Variants in TRIP4 observed in about 807,000 individuals in gnomAD.
TRIP4 encodes activating signal cointegrator 1.
TRIP4 carries 54 observed loss-of-function variants against 81.8 expected under a neutral mutation model. The observed-to-expected ratio is 0.66, with a 90% CI of 0.53 to 0.83. The LOEUF (loss-of-function observed/expected upper bound fraction) is 0.83, where lower values mean the gene tolerates loss of function less well. Ranked by LOEUF, TRIP4 falls within the 40% of genes least tolerant of loss-of-function variation. TRIP4 has a pLI of 0.00. For synonymous variants in TRIP4, 270 were observed against 242.8 expected (o/e 1.11, Z -1.04); for missense variants, 662 against 683.6 (o/e 0.97, Z 0.35).
intron 3 of TRIP4, 73 bp downstream of exon 3, chr15:64,395,604 A>C: frequency 6.6e-7 from 1 of 1,505,862 alleles, no homozygotes; most frequent in Middle Eastern, 1.8e-4. Flanking sequence ...TCAGAGAGCA[A>C]AGTGTACAAA....
intron 5 of TRIP4, among the ~76,000 whole-genome samples, chr15:64,402,585 G>A (rs539710172): frequency 6.0e-5 from 9 of 150,250 alleles, no homozygotes; most frequent in East Asian, 2.0e-4. Context: ...GTGCAATGGC[G>A]CGATCTCAGC....
chr15:64,416,461 G>A (rs532314171), intron 8 of TRIP4, among the ~76,000 whole-genome samples: 2 of 152,156 alleles, frequency 1.3e-5, no homozygotes, highest in Admixed American at 1.3e-4. Context: ...GGTGGCTCAC[G>A]TCTGTAATCC....
At chr15:64,449,900 C>T (rs982109739) in intron 12 of TRIP4, among the ~76,000 whole-genome samples, 2 of 152,132 alleles carry the variant, frequency 1.3e-5, no homozygotes, top group Non-Finnish European at 2.9e-5. Flanking sequence ...TATTTTTTCC[C>T]CTTTTAACTT....
chr15:64,402,026 T>A (rs114733817), intron 5 of TRIP4, among the ~76,000 whole-genome samples: 3,353 of 152,192 alleles, frequency 0.022, 108 homozygotes, highest in African/African-American at 0.078. Context: ...GGGAAAAAAA[T>A]GTTAAAATCC....
intron 12 of TRIP4, among the ~76,000 whole-genome samples, chr15:64,446,887 A>T (rs1199567260): frequency 6.6e-6 from 1 of 151,408 alleles, no homozygotes; most frequent in Non-Finnish European, 1.5e-5. Context: ...AGTGGATCAC[A>T]AGGTCAGGAG....
rs180795363 is a variant in TRIP4, at chr15:64,439,648, C to A, written c.1576-5358C>A. ...AGGTGATCCTCTTGCCTCAGCCTCC[C>A]GAGTGGCTGGGATTACAGGTGCCCG... On this transcript the variant is annotated intron_variant, in intron 11 of 12. Coordinates refer to ENST00000261884, the MANE Select transcript of TRIP4 (RefSeq NM_016213.5). Among the ~76,000 whole-genome samples, 933 of 150,054 alleles carry A rather than the reference C, an allele frequency of 6.2e-3. 1 individual carries two copies. The highest frequency in any genetic ancestry group is 0.01 in the Non-Finnish European group (697 of 67,730).
At chr15:64,445,170 A>C in intron 12 of TRIP4, 62 bp downstream of exon 12, 1 of 876,916 alleles carries the variant, frequency 1.1e-6, no homozygotes, top group East Asian at 2.5e-5. Flanking sequence ...TGGGGAAAAA[A>C]GTAGAACAAG....
chr15:64,453,080 G>T lies in TRIP4; in HGVS notation c.1679-1917G>T, dbSNP rs186306004. 3.3e-5 allele frequency among the ~76,000 whole-genome samples: 5 copies of T among 152,272 alleles called. No homozygotes were observed. In the East Asian group the frequency reaches 9.6e-4, roughly 29 times the overall value. ...ACACACCTGTAGTCCCAGCTACAGG[G>T]GAGGCTAAGGCAGAATTGCTTGAAC... On this transcript the variant is annotated intron_variant, in intron 12 of 12. Transcript: ENST00000261884.
intron 5 of TRIP4, among the ~76,000 whole-genome samples, chr15:64,401,135 CT>C (rs770677961): frequency 1.9e-3 from 251 of 135,362 alleles, no homozygotes; most frequent in Admixed American, 1.9e-3. Context: ...CTAATATTTA[CT>C]TTTTTTTTTT....
intron 11 of TRIP4, chr15:64,444,721 T>G: frequency 5.6e-6 from 1 of 177,252 alleles, no homozygotes; most frequent in African/African-American, 2.4e-5. Context: ...TCCGTTCTGA[T>G]TCTTCTGGGA....
Position 64,431,849 on chromosome 15 carries a change from T to A in TRIP4, c.1575+6218T>A, listed in dbSNP as rs11635574. ...ATTTATATTATATATATATATATAT[T>A]TTTTTTATCCAAAGAGCATTGTGTT... On this transcript the variant is annotated intron_variant, in intron 11 of 12. Transcript: ENST00000261884. 2.7e-3 allele frequency among the ~76,000 whole-genome samples: 221 copies of A among 81,328 alleles called. 5 individuals are homozygous for A. Among genetic ancestry groups the A allele is most frequent in the African/African-American group, 8.6e-3 (212 of 24,664 alleles). The allele number at this position is 81,328 out of a possible 152,430, so 53.4% of individuals were successfully genotyped here.
intron 8 of TRIP4, among the ~76,000 whole-genome samples, chr15:64,414,658 A>C (rs1051587490): frequency 6.6e-6 from 1 of 151,566 alleles, no homozygotes; most frequent in Non-Finnish European, 1.5e-5. Context: ...CTGGGACTAC[A>C]GGTGCCCGCT....
rs368458722 is a variant in TRIP4 at position 64,409,778 on chromosome 15, A to C, written c.993A>C (p.Ala331=). 63 of 1,614,124 alleles carry C rather than the reference A, an allele frequency of 3.9e-5. No individual in the cohort carries two copies. Among genetic ancestry groups the C allele is most frequent in the Non-Finnish European group, 5.3e-5 (62 of 1,180,046 alleles). The part of the protein sequence containing the change: ...RLSKKVTIDF[A]GRKILEEENS... Reference sequence around the variant, plus strand: ...CTAAGAAGGTCACCATTGACTTTGCAGGAAGGAAGATCCTGGAAGAAGAAA... The same window carrying C: ...CTAAGAAGGTCACCATTGACTTTGCCGGAAGGAAGATCCTGGAAGAAGAAA... The change falls in exon 7 of 13, where the codon GCA becomes GCC. Residue 331 remains alanine (A), a synonymous_variant. Transcript: ENST00000261884.
chr15:64,435,213 CAAAAAAAA>C (rs35216763), intron 11 of TRIP4, among the ~76,000 whole-genome samples: 1 of 50,398 alleles, frequency 2.0e-5, no homozygotes, highest in Non-Finnish European at 3.2e-5. Context: ...GACCCCATCT[CAAAAAAAA>C]AAAAAAAAAA....
intron 5 of TRIP4, among the ~76,000 whole-genome samples, chr15:64,401,860 T>C (rs1471678888): frequency 2.6e-5 from 4 of 152,128 alleles, no homozygotes; most frequent in Admixed American, 2.0e-4. Flanking sequence ...ACTGAAATTA[T>C]TGGTTGAAAG....
At chr15:64,439,833 A>G (rs1050958168) in intron 11 of TRIP4, among the ~76,000 whole-genome samples, 1 of 151,872 alleles carries the variant, frequency 6.6e-6, no homozygotes, top group Admixed American at 6.6e-5. Flanking sequence ...TAACGTATAA[A>G]TCTTATATCT....
At chr15:64,453,001 G>A (rs1028634059) in intron 12 of TRIP4, among the ~76,000 whole-genome samples, 1 of 151,994 alleles carries the variant, frequency 6.6e-6, no homozygotes, top group Non-Finnish European at 1.5e-5. Flanking sequence ...CTTGGCCAAC[G>A]TGGTGAAACC....
In TRIP4 at chr15:64,455,086, C is replaced by T. The variant is rs753053365; in HGVS notation, c.*22C>T. 1.9e-6 allele frequency: 3 copies of T among 1,611,382 alleles called. No homozygotes were observed. The highest frequency in any genetic ancestry group is 2.5e-6 in the Non-Finnish European group (3 of 1,178,006). ...CTGACCCAGGAGAAAAGGAACTATACAGCATAGTGGAGTTTTGTGTACTAA... is the reference window on the plus strand; with the variant it reads ...CTGACCCAGGAGAAAAGGAACTATATAGCATAGTGGAGTTTTGTGTACTAA... On this transcript the variant is annotated 3_prime_UTR_variant, in exon 13 of 13. Transcript: ENST00000261884.
intron 11 of TRIP4, among the ~76,000 whole-genome samples, chr15:64,434,837 C>T (rs1892353845): frequency 1.3e-5 from 2 of 152,046 alleles, no homozygotes; most frequent in Non-Finnish European, 2.9e-5. Context: ...GCTGTAGTGT[C>T]GCTATCTACT....
Sources: allele counts gnomAD v4.1 joint callset (sites outside exome capture counted in the v4.1 genomes callset), GRCh38; gene constraint gnomAD v4.1.1; transcripts MANE v1.5; gene names NCBI Gene and HGNC (gene_info 2026-07-23, HGNC 2026-07-21).